The following TAF15 variants were observed in gnomAD, a reference collection of about 807,000 sequenced individuals.
The protein encoded by TAF15 is TATA-binding protein-associated factor 2N.
A neutral mutation model predicts 102.5 loss-of-function variants in TAF15; 37 were observed. That is an observed-to-expected ratio of 0.36 (90% confidence interval 0.28 to 0.47). The LOEUF is 0.47. Among genes scored for constraint, TAF15 ranks in the 20% least tolerant of loss-of-function variants. The pLI, the probability that TAF15 is intolerant of heterozygous loss-of-function variation, is 0.99. For synonymous variants in TAF15, 273 were observed against 259.2 expected, an observed-to-expected ratio of 1.05 and a Z score of -0.51; for missense variants, 652 against 760.7, an observed-to-expected ratio of 0.86 and a Z score of 1.68.
intron 15 of TAF15, 150 bp from the exon 16 acceptor site, chr17:35,846,756 C>G: frequency 1.2e-6 from 1 of 806,742 alleles, no homozygotes; most frequent in South Asian, 1.5e-5. Context: ...ATTTAAGTAT[C>G]TTCTAGGAGT....
At chr17:35,844,045 CT>C in intron 12 of TAF15, 31 bp from the exon 13 acceptor site, 2 of 1,587,240 alleles carry the variant, frequency 1.3e-6, no homozygotes, top group Non-Finnish European at 1.7e-6. Flanking sequence ...ATATCTGCTG[CT>C]GATTTTTCTC....
At chr17:35,810,172 T>TA in intron 1 of TAF15, 1 of 164,016 alleles carries the variant, frequency 6.1e-6, no homozygotes, top group Admixed American at 5.8e-5. Flanking sequence ...GTTGGGGGTG[T>TA]TTGCATAGTA....
At chr17:35,822,277 G>T (rs1441826063) in intron 5 of TAF15, among the ~76,000 whole-genome samples, 1 of 150,432 alleles carries the variant, frequency 6.6e-6, no homozygotes, top group East Asian at 2.0e-4. Flanking sequence ...TGAGGTGGAG[G>T]TTGCGGTGAG....
intron 7 of TAF15, among the ~76,000 whole-genome samples, chr17:35,831,893 C>G (rs1307310716): frequency 1.3e-5 from 2 of 151,400 alleles, no homozygotes; most frequent in African/African-American, 4.9e-5. Context: ...CCATCCTGGC[C>G]AACACAGTGA....
Position 35,835,215 on chromosome 17 carries a change from A to G in TAF15, c.673+617A>G, listed in dbSNP as rs1598542135. Among the ~76,000 whole-genome samples, 3 of 152,324 alleles carry G rather than the reference A, an allele frequency of 2.0e-5. No homozygotes were observed. The South Asian group carries it at 6.2e-4, about 32-fold the overall frequency. On this transcript the variant is annotated intron_variant, in intron 9 of 15. Coordinates refer to ENST00000605844, the MANE Select transcript of TAF15 (RefSeq NM_139215.3). ...TTTAAAATTATTGCAAATCAGATTA[A>G]TGAAAGAATTTATATCATTGTGGAA...
intron 7 of TAF15, among the ~76,000 whole-genome samples, chr17:35,831,393 C>T (rs1457424691): frequency 7.1e-6 from 1 of 140,176 alleles, no homozygotes; most frequent in African/African-American, 2.7e-5. Context: ...GGCGACAGAG[C>T]AAGACTCCGT....
intron 10 of TAF15, among the ~76,000 whole-genome samples, chr17:35,838,194 T>A (rs1023512163): frequency 6.6e-6 from 1 of 152,110 alleles, no homozygotes; most frequent in Non-Finnish European, 1.5e-5. Context: ...TTAAAAAAAA[T>A]TATACATAGA....
At position 35,824,240 on chromosome 17, in the gene TAF15, TC is replaced by T. The variant is rs1413843515; in HGVS notation, c.605+43del. 16 of 1,561,332 alleles carry T rather than the reference TC, an allele frequency of 1.0e-5. No individual in the cohort carries two copies. The East Asian group carries it at 3.4e-4, about 33-fold the overall frequency. ...AGATGCGTACATTTCTTCTTCTTCC[TC>T]TTTTTTTTTTTTTTAAGGTGTTACT... On this transcript the variant is annotated intron_variant, in intron 7 of 15. Transcript: ENST00000605844.
intron 1 of TAF15, among the ~76,000 whole-genome samples, chr17:35,815,979 T>G (rs993664798): frequency 2.0e-5 from 3 of 152,192 alleles, no homozygotes; most frequent in Non-Finnish European, 4.4e-5. Context: ...TTTTCTCTTT[T>G]GAGACAGGGT....
intron 7 of TAF15, chr17:35,824,402 T>G (rs2087300999): frequency 1.5e-6 from 1 of 650,516 alleles, no homozygotes; most frequent in African/African-American, 1.8e-5. Flanking sequence ...TTGGCTATGT[T>G]AGTAGTTAGT....
At chr17:35,814,017 T>G (rs896124205) in intron 1 of TAF15, among the ~76,000 whole-genome samples, 17 of 151,834 alleles carry the variant, frequency 1.1e-4, no homozygotes, top group African/African-American at 3.9e-4. Flanking sequence ...GTTGTTTTTG[T>G]TTTTTTTAAG....
intron 5 of TAF15, among the ~76,000 whole-genome samples, chr17:35,821,972 A>C (rs1291349568): frequency 1.3e-5 from 2 of 152,152 alleles, no homozygotes; most frequent in African/African-American, 4.8e-5. Flanking sequence ...AAAAGGACTC[A>C]GCTCTTGTGG....
At chr17:35,837,696 ATG>A (rs1458138278) in intron 10 of TAF15, among the ~76,000 whole-genome samples, 2 of 152,088 alleles carry the variant, frequency 1.3e-5, no homozygotes, top group Non-Finnish European at 2.9e-5. Flanking sequence ...GCGTGGTGGC[ATG>A]CGCCTGTAGT....
At chr17:35,835,959 A>G (rs145812050) in intron 9 of TAF15, among the ~76,000 whole-genome samples, 173 bp from the exon 10 acceptor site, 2 of 152,378 alleles carry the variant, frequency 1.3e-5, no homozygotes, top group Non-Finnish European at 2.9e-5. Context: ...TGATCAACCA[A>G]ATAATTACTG....
At chr17:35,843,908 A>G (rs567000422) in intron 12 of TAF15, among the ~76,000 whole-genome samples, 169 bp from the exon 13 acceptor site, 138 of 152,352 alleles carry the variant, frequency 9.1e-4, no homozygotes, top group African/African-American at 3.1e-3. Context: ...TCCTCTGTTT[A>G]CTAAGTACAA....
At position 35,844,073 on chromosome 17, in the gene TAF15, C is replaced by T. The variant is rs758012357; in HGVS notation, c.1007-4C>T. ...ATTTTTCTCCCCTGGCCCCATCCCC[C>T]TAGGCCGTGGAGGATATAGAGGTCG... On this transcript the variant is annotated splice_polypyrimidine_tract_variant and splice_region_variant and intron_variant, in intron 12 of 15. Coordinates refer to ENST00000605844, the MANE Select transcript of TAF15 (RefSeq NM_139215.3). 1 of 1,614,014 alleles carries T rather than the reference C, an allele frequency of 6.2e-7. No individual in the cohort carries two copies. The highest frequency in any genetic ancestry group is 1.3e-5 in the African/African-American group (1 of 75,022).
intron 7 of TAF15, among the ~76,000 whole-genome samples, chr17:35,825,564 A>G (rs373182727): frequency 1.3e-5 from 2 of 152,256 alleles, no homozygotes; most frequent in East Asian, 3.8e-4. Context: ...TCATAAGGAA[A>G]TTACAGTTAC....
intron 10 of TAF15, among the ~76,000 whole-genome samples, chr17:35,837,140 G>A (rs1453093108): frequency 6.6e-6 from 1 of 151,988 alleles, no homozygotes; most frequent in Non-Finnish European, 1.5e-5. Context: ...CACAAAATAT[G>A]TAATTTTGTT....
chr17:35,823,801 C>T lies in TAF15; in HGVS notation c.485-277C>T. 4 of 485,950 alleles carry T rather than the reference C, an allele frequency of 8.2e-6. 1 individual carries two copies. The highest frequency in any genetic ancestry group is 6.3e-5 in the South Asian group (3 of 47,546). The allele number at this position is 485,950 out of a possible 1,614,324, so 30.1% of individuals were successfully genotyped here. ...AGATTGTATTTTAACTCATACTGTT[C>T]CACATTACTGTTTTGCCATGTCACT... is the stretch of plus-strand genomic sequence containing the variant. On this transcript the variant is annotated intron_variant, in intron 6 of 15. Coordinates refer to ENST00000605844, the MANE Select transcript of TAF15 (RefSeq NM_139215.3).
Sources: allele counts gnomAD v4.1 joint callset (sites outside exome capture counted in the v4.1 genomes callset), GRCh38; gene constraint gnomAD v4.1.1; transcripts MANE v1.5; gene names NCBI Gene and HGNC (gene_info 2026-07-23, HGNC 2026-07-21).